The following POU6F2 variants were observed in gnomAD, a reference collection of about 807,000 sequenced individuals.
The protein encoded by POU6F2 is POU class 6 homeobox 2.
A neutral mutation model predicts 71.3 loss-of-function variants in POU6F2; 31 were observed. The observed-to-expected ratio is 0.43, with a 90% CI of 0.33 to 0.59. The LOEUF (loss-of-function observed/expected upper bound fraction) is 0.59. Among genes scored for constraint, POU6F2 ranks in the 20% least tolerant of loss-of-function variants. The pLI, the probability that POU6F2 is intolerant of heterozygous loss-of-function variation, is 0.04. For missense variants in POU6F2, 783 were observed against 856.8 expected (o/e 0.91, Z 1.07); for synonymous variants, 347 against 355.7 (o/e 0.98, Z 0.27).
At chr7:39,077,411 C>T (rs1791023726) in intron 1 of POU6F2, among the ~76,000 whole-genome samples, 1 of 152,222 alleles carries the variant, frequency 6.6e-6, no homozygotes, top group African/African-American at 2.4e-5. Context: ...TGGCAAACTC[C>T]TGTCTGATTG....
chr7:39,215,886 A>G (rs1244810189), intron 4 of POU6F2, among the ~76,000 whole-genome samples: 1 of 152,216 alleles, frequency 6.6e-6, no homozygotes, highest in Non-Finnish European at 1.5e-5. Context: ...TTCTTTGTTG[A>G]TTTCATATTA....
Position 39,207,554 on chromosome 7 carries a change from A to T in POU6F2, c.532A>T (p.Ile178Phe), listed in dbSNP as rs143406388. ...ACTGCCAACAGCGAATCTCACCAAC[A>T]TCCAAGGGCTGGTGGCAGCAGCTGC... ...LTLPTANLTN[I>F]QGLVAAAAAG... Residue 178 changes from isoleucine to phenylalanine, a missense_variant, in exon 4 of 10, where the codon ATC (isoleucine) becomes TTC (phenylalanine). Ile to Phe is a conservative substitution (Grantham distance 21). Coordinates refer to ENST00000518318, the MANE Select transcript of POU6F2 (RefSeq NM_001370959.1). The T allele has an allele frequency of 9.9e-6, 16 of 1,613,878 alleles. No individual in the cohort carries two copies. In the African/African-American group the frequency reaches 1.6e-4, roughly 16 times the overall value.
chr7:39,085,986 C>T lies in POU6F2; in HGVS notation c.232C>T (p.Pro78Ser). Residue 78 changes from proline (P) to serine (S), a missense_variant, in exon 2 of 10, where the codon CCT becomes TCT. Pro to Ser is a moderately conservative substitution (Grantham distance 74). Transcript: ENST00000518318. ...DSELNEPLLA[P>S]VESNDSEDTP... ...CGAGCTGAATGAGCCCCTGCTTGCG[C>T]CTGTGGAATCAAATGACAGCGAGGA... 6.2e-7 allele frequency: 1 copy of T among 1,613,730 alleles called. No homozygotes were observed. The highest frequency in any genetic ancestry group is 1.1e-5 in the South Asian group (1 of 91,068).
intron 4 of POU6F2, among the ~76,000 whole-genome samples, chr7:39,219,915 ACT>A (rs2128748177): frequency 6.6e-6 from 1 of 152,282 alleles, no homozygotes; most frequent in Non-Finnish European, 1.5e-5. Context: ...TTGGAAAATA[ACT>A]CACACGGGAG....
At chr7:39,229,360 C>T (rs1306841706) in intron 4 of POU6F2, among the ~76,000 whole-genome samples, 1 of 152,214 alleles carries the variant, frequency 6.6e-6, no homozygotes, top group Non-Finnish European at 1.5e-5. Flanking sequence ...CCCTCATTAG[C>T]AATGCTCCCT....
chr7:39,015,751 TTA>T lies in POU6F2; in HGVS notation c.105+37700_105+37701del, dbSNP rs1789482037. ...ATAACATATAGATATATATTATATA[TTA>T]TATATAGATATATTATATATATTAT... is the stretch of plus-strand genomic sequence containing the variant. On this transcript the variant is annotated intron_variant, in intron 1 of 9. Coordinates refer to ENST00000518318, the MANE Select transcript of POU6F2 (RefSeq NM_001370959.1). Among the ~76,000 whole-genome samples, 3 of 99,790 alleles carry T rather than the reference TTA, an allele frequency of 3.0e-5. 1 individual carries two copies. In the South Asian group the frequency reaches 8.3e-4, roughly 28 times the overall value. The allele number at this position is 99,790 out of a possible 152,430, so 65.5% of individuals were successfully genotyped here.
intron 2 of POU6F2, among the ~76,000 whole-genome samples, chr7:39,196,240 G>A (rs534020687): frequency 6.6e-6 from 1 of 152,266 alleles, no homozygotes; most frequent in Admixed American, 6.5e-5. Flanking sequence ...CCTTTCGAAT[G>A]CTTCCTTTTT....
chr7:39,383,358 AT>A (rs987109548), intron 5 of POU6F2, among the ~76,000 whole-genome samples: 3 of 151,866 alleles, frequency 2.0e-5, no homozygotes, highest in Non-Finnish European at 2.9e-5. Context: ...CCAAACAGCT[AT>A]TTTTTTTGTC....
chr7:39,055,626 CT>C (rs1402754913), intron 1 of POU6F2, among the ~76,000 whole-genome samples: 2 of 151,730 alleles, frequency 1.3e-5, no homozygotes, highest in South Asian at 2.1e-4. Context: ...TCTTTTCATT[CT>C]TTTTTTGTCT....
chr7:39,088,979 C>T (rs1791311102), intron 2 of POU6F2, among the ~76,000 whole-genome samples: 1 of 152,158 alleles, frequency 6.6e-6, no homozygotes, highest in Admixed American at 6.6e-5. Context: ...TTAAATTGCA[C>T]CTCTGCACTT....
chr7:39,174,705 A>C (rs1793293474), intron 2 of POU6F2, among the ~76,000 whole-genome samples: 1 of 151,902 alleles, frequency 6.6e-6, no homozygotes, highest in Admixed American at 6.6e-5. Context: ...CTCAGTCTTC[A>C]CCTGATCACT....
intron 4 of POU6F2, among the ~76,000 whole-genome samples, chr7:39,297,858 A>T (rs1784882182): frequency 6.6e-6 from 1 of 152,210 alleles, no homozygotes; most frequent in African/African-American, 2.4e-5. Context: ...CCACACGTCG[A>T]CAACCATCTG....
chr7:39,100,805 T>G lies in POU6F2; in HGVS notation c.277+14774T>G, dbSNP rs561723774. ...ACTGTTCCCTCTGTGGTTTTGTCATTGGGTAACCAAACTTAAATCTGTCTC... is the reference window on the plus strand; with the variant it reads ...ACTGTTCCCTCTGTGGTTTTGTCATGGGGTAACCAAACTTAAATCTGTCTC... On this transcript the variant is annotated intron_variant, in intron 2 of 9. Transcript: ENST00000518318. 2.9e-3 allele frequency among the ~76,000 whole-genome samples: 444 copies of G among 152,268 alleles called. 4 individuals carry two copies. The highest frequency in any genetic ancestry group is 4.2e-3 in the Non-Finnish European group (287 of 68,014).
intron 7 of POU6F2, among the ~76,000 whole-genome samples, chr7:39,434,653 A>T (rs576639831): frequency 1.3e-5 from 2 of 151,836 alleles, no homozygotes; most frequent in Non-Finnish European, 2.9e-5. Context: ...CTTCTTCTAA[A>T]AAAAAAAGCA....
At chr7:39,418,620 G>A (rs1257523137) in intron 6 of POU6F2, among the ~76,000 whole-genome samples, 1 of 151,896 alleles carries the variant, frequency 6.6e-6, no homozygotes, top group Non-Finnish European at 1.5e-5. Context: ...AACCCAGGAG[G>A]CGGAGGTTGC....
Position 39,015,908 on chromosome 7 carries a change from T to TTGA in POU6F2, c.105+37851_105+37852insGAT, listed in dbSNP as rs1789505882. On this transcript the variant is annotated intron_variant, in intron 1 of 9. Transcript: ENST00000518318. ...ATTATATATTATATATAGATATATATTATATATTATATATAGATATATATA... is the reference window on the plus strand; with the variant it reads ...ATTATATATTATATATAGATATATATTGATATATATTATATATAGATATATATA... 3.7e-4 allele frequency among the ~76,000 whole-genome samples: 17 copies of TTGA among 46,224 alleles called. 2 individuals are homozygous for TTGA. Among genetic ancestry groups the TTGA allele is most frequent in the African/African-American group, 1.6e-3 (17 of 10,792 alleles). 30.3% of individuals were successfully genotyped at this position (46,224 alleles called of 152,430 possible). A position where few individuals can be genotyped will look rare whatever the true frequency, so the allele number is the denominator to read the frequency against.
intron 4 of POU6F2, among the ~76,000 whole-genome samples, chr7:39,215,606 T>TCCTAA (rs1794224351): frequency 6.6e-6 from 1 of 152,202 alleles, no homozygotes; most frequent in East Asian, 1.9e-4. Context: ...TTAGAGGTAG[T>TCCTAA]GATCTGGACT....
rs35190834 is a variant in POU6F2 at position 39,087,159 on chromosome 7, AATTTATTTATTTATTT to A, written c.277+1153_277+1168del. On this transcript the variant is annotated intron_variant, in intron 2 of 9. Coordinates refer to ENST00000518318, the MANE Select transcript of POU6F2 (RefSeq NM_001370959.1). ...CACAGGCTTTATTAATTAATTAATT[AATTTATTTATTTATTT>A]ATTTATTTATTTATTTATTTATTTT... 5.1e-3 allele frequency among the ~76,000 whole-genome samples: 645 copies of A among 125,738 alleles called. 3 individuals carry two copies. Among genetic ancestry groups the A allele is most frequent in the African/African-American group, 0.019 (555 of 29,274 alleles). 82.5% of individuals were successfully genotyped at this position (125,738 alleles called of 152,430 possible). A position where few individuals can be genotyped will look rare whatever the true frequency, so the allele number is the denominator to read the frequency against.
At chr7:39,066,516 A>G (rs982563671) in intron 1 of POU6F2, among the ~76,000 whole-genome samples, 1 of 151,794 alleles carries the variant, frequency 6.6e-6, no homozygotes, top group African/African-American at 2.4e-5. Context: ...ATGACCACAT[A>G]TAACTTGATT....
Sources: allele counts gnomAD v4.1 joint callset (sites outside exome capture counted in the v4.1 genomes callset), GRCh38; gene constraint gnomAD v4.1.1; transcripts MANE v1.5; gene names NCBI Gene and HGNC (gene_info 2026-07-23, HGNC 2026-07-21).